The following ZFHX3 variants were observed in gnomAD, a reference collection of about 807,000 sequenced individuals.
ZFHX3 encodes the protein zinc finger homeobox 3, also known as zinc finger homeobox protein 3.
ZFHX3 carries 42 observed loss-of-function variants against 279.1 expected under a neutral mutation model. The ratio of observed to expected loss-of-function variants is 0.15; its 90% CI spans 0.12 to 0.19. The LOEUF (loss-of-function observed/expected upper bound fraction) is 0.19. Among genes scored for constraint, ZFHX3 ranks in the 10% least tolerant of loss-of-function variants. The probability of loss-of-function intolerance (pLI) is 1.00; values close to 1 mark genes in which losing one functional copy is unlikely to be tolerated. For missense variants in ZFHX3, 4,981 were observed against 4,754.0 expected, an observed-to-expected ratio of 1.05 and a Z score of -1.40; for synonymous variants, 2,293 against 1,957.8, an observed-to-expected ratio of 1.17 and a Z score of -4.52.
At chr16:73,711,793 G>A (rs1398171923) in intron 1 of ZFHX3, among the ~76,000 whole-genome samples, 2 of 152,306 alleles carry the variant, frequency 1.3e-5, no homozygotes, top group East Asian at 3.9e-4. Flanking sequence ...ATCTCAGCTG[G>A]GCTGTTTTCC....
At chr16:73,684,848 G>A (rs967215626) in intron 1 of ZFHX3, among the ~76,000 whole-genome samples, 3 of 151,278 alleles carry the variant, frequency 2.0e-5, no homozygotes, top group Non-Finnish European at 2.9e-5. Flanking sequence ...TTACAGGCAC[G>A]CACCACCACA....
At chr16:73,035,813 A>G (rs1567644011) in intron 1 of ZFHX3, among the ~76,000 whole-genome samples, 1 of 152,228 alleles carries the variant, frequency 6.6e-6, no homozygotes, top group South Asian at 2.1e-4. Flanking sequence ...CTGAGGCAGG[A>G]GGACTACTTG....
At chr16:73,792,693 C>T (rs571883151) in intron 1 of ZFHX3, among the ~76,000 whole-genome samples, 6 of 152,190 alleles carry the variant, frequency 3.9e-5, no homozygotes, top group Non-Finnish European at 5.9e-5. Flanking sequence ...ACAGCATGAA[C>T]GAATGGAGAA....
chr16:73,133,783 C>T (rs1966739554), intron 6 of ZFHX3, among the ~76,000 whole-genome samples: 1 of 152,200 alleles, frequency 6.6e-6, no homozygotes, highest in African/African-American at 2.4e-5. Flanking sequence ...ATCTCCAGAT[C>T]CCTTTCTTGG....
chr16:73,619,721 C>G (rs1567534738), intron 2 of ZFHX3, among the ~76,000 whole-genome samples: 1 of 151,932 alleles, frequency 6.6e-6, no homozygotes, highest in Non-Finnish European at 1.5e-5. Flanking sequence ...AACTGTGCCT[C>G]CCACCAGGAA....
intron 1 of ZFHX3, among the ~76,000 whole-genome samples, chr16:73,834,150 G>T (rs969919830): frequency 6.6e-6 from 1 of 152,174 alleles, no homozygotes; most frequent in African/African-American, 2.4e-5. Context: ...GTTGATTCTG[G>T]AATGTCTGGA....
At chr16:73,064,975 T>A (rs1458398578) in intron 8 of ZFHX3, among the ~76,000 whole-genome samples, 2 of 152,170 alleles carry the variant, frequency 1.3e-5, no homozygotes, top group African/African-American at 4.8e-5. Flanking sequence ...AGAACTAACT[T>A]CATCACAGCG....
intron 2 of ZFHX3, among the ~76,000 whole-genome samples, chr16:73,663,711 C>T (rs915624114): frequency 2.6e-5 from 4 of 152,174 alleles, no homozygotes; most frequent in African/African-American, 9.7e-5. Flanking sequence ...GGAATGAATG[C>T]ATCTGGGGAA....
At chr16:73,405,462 T>A (rs1161701212) in intron 3 of ZFHX3, among the ~76,000 whole-genome samples, 2 of 152,228 alleles carry the variant, frequency 1.3e-5, no homozygotes, top group African/African-American at 2.4e-5. Context: ...TCTCCTTATC[T>A]GTATAAAGCA....
At chr16:73,353,100 A>G (rs2016277429) in intron 3 of ZFHX3, among the ~76,000 whole-genome samples, 1 of 152,210 alleles carries the variant, frequency 6.6e-6, no homozygotes, top group African/African-American at 2.4e-5. Context: ...GGCAGTGACC[A>G]TGAGAGAAAT....
intron 5 of ZFHX3, among the ~76,000 whole-genome samples, chr16:73,182,837 G>A (rs999391850): frequency 7.0e-6 from 1 of 143,000 alleles, no homozygotes; most frequent in Admixed American, 7.5e-5. Flanking sequence ...CTAAACAATG[G>A]GTACCCATGG....
chr16:73,778,892 A>G (rs1959353898), intron 1 of ZFHX3, among the ~76,000 whole-genome samples: 1 of 152,260 alleles, frequency 6.6e-6, no homozygotes, highest in Non-Finnish European at 1.5e-5. Context: ...GGAAGTTGAA[A>G]GTAGGAATTG....
At chr16:73,889,701 A>AGGC (rs2030465594) in intron 1 of ZFHX3, among the ~76,000 whole-genome samples, 2 of 152,108 alleles carry the variant, frequency 1.3e-5, no homozygotes, top group Non-Finnish European at 2.9e-5. Flanking sequence ...TGTATGGGTT[A>AGGC]ATTCTCACAC....
chr16:73,546,615 C>T (rs1411844869), intron 2 of ZFHX3, among the ~76,000 whole-genome samples: 2 of 151,880 alleles, frequency 1.3e-5, no homozygotes, highest in Non-Finnish European at 2.9e-5. Flanking sequence ...ATTGCCAGCC[C>T]CAGGAAGGGT....
At chr16:72,889,999 A>T in intron 3 of ZFHX3, 37 bp from the exon 4 acceptor site, 1 of 1,568,142 alleles carries the variant, frequency 6.4e-7, no homozygotes, top group Non-Finnish European at 8.6e-7. Flanking sequence ...GCCTTGGGTA[A>T]GCCACTCGAA....
chr16:73,850,680 C>T (rs2142379153), intron 1 of ZFHX3, among the ~76,000 whole-genome samples: 1 of 152,102 alleles, frequency 6.6e-6, no homozygotes, highest in Admixed American at 6.5e-5. Context: ...GGACCCCACC[C>T]CAACCCACCC....
At chr16:73,523,140 C>T (rs1056455260) in intron 2 of ZFHX3, among the ~76,000 whole-genome samples, 2 of 152,188 alleles carry the variant, frequency 1.3e-5, no homozygotes, top group African/African-American at 4.8e-5. Context: ...CTCCTCTCTC[C>T]CATAATATGG....
intron 2 of ZFHX3, among the ~76,000 whole-genome samples, chr16:73,598,565 G>A (rs747980784): frequency 3.3e-5 from 5 of 151,222 alleles, no homozygotes; most frequent in East Asian, 2.0e-4. Context: ...CCACAAGCAC[G>A]CATCGCCACG....
intron 3 of ZFHX3, among the ~76,000 whole-genome samples, chr16:72,892,178 A>C (rs1248944958): frequency 1.3e-5 from 2 of 152,260 alleles, no homozygotes; most frequent in Admixed American, 6.5e-5. Context: ...TAAATGCACC[A>C]ACTAAGTGTC....
Sources: allele counts gnomAD v4.1 joint callset (sites outside exome capture counted in the v4.1 genomes callset), GRCh38; gene constraint gnomAD v4.1.1; transcripts MANE v1.5; gene names NCBI Gene and HGNC (gene_info 2026-07-23, HGNC 2026-07-21).